The following PIGL variants were observed in gnomAD, a reference collection of about 807,000 sequenced individuals.
PIGL encodes N-acetylglucosaminyl-phosphatidylinositol de-N-acetylase.
A neutral mutation model predicts 31.1 loss-of-function variants in PIGL; 22 were observed. The ratio of observed to expected loss-of-function variants is 0.71; its 90% confidence interval spans 0.51 to 1.01. The LOEUF (loss-of-function observed/expected upper bound fraction) is 1.01, where lower values mean the gene tolerates loss of function less well. Ranked by LOEUF, PIGL falls within the 50% of genes least tolerant of loss-of-function variation. The pLI, the probability that PIGL is intolerant of heterozygous loss-of-function variation, is 0.00. For missense variants in PIGL, 302 were observed against 315.9 expected (o/e 0.96, Z 0.33); for synonymous variants, 131 against 117.4 (o/e 1.12, Z -0.75).
chr17:16,245,705 TATATATATACACAC>T (rs2092742380), intron 2 of PIGL, among the ~76,000 whole-genome samples: 1 of 150,952 alleles, frequency 6.6e-6, no homozygotes, highest in South Asian at 2.1e-4. Flanking sequence ...GCCTGGCCTA[TATATATATACACAC>T]ATATATATAT....
intron 2 of PIGL, among the ~76,000 whole-genome samples, chr17:16,254,314 G>A (rs949696569): frequency 1.3e-5 from 2 of 151,670 alleles, no homozygotes; most frequent in African/African-American, 4.8e-5. Context: ...TATTGCCTAG[G>A]CTAGAGTGCA....
chr17:16,277,256 A>T (rs2092899871), intron 2 of PIGL, among the ~76,000 whole-genome samples: 1 of 152,132 alleles, frequency 6.6e-6, no homozygotes, highest in African/African-American at 2.4e-5. Flanking sequence ...GTGAAAAAAA[A>T]GTTTCTCCAA....
chr17:16,323,609 C>CTTTTT (rs34518917), intron 6 of PIGL, among the ~76,000 whole-genome samples: 6 of 96,822 alleles, frequency 6.2e-5, no homozygotes, highest in African/African-American at 8.2e-5. Flanking sequence ...TAACACTGAT[C>CTTTTT]TTTTTTTTTT....
chr17:16,316,645 C>CT (rs759515206), intron 4 of PIGL, 36 bp from the exon 5 acceptor site: 2 of 1,562,040 alleles, frequency 1.3e-6, no homozygotes, highest in Admixed American at 3.4e-5. Flanking sequence ...GGAAATGATC[C>CT]TTACTCCTCT....
chr17:16,220,582 A>G (rs178794), intron 1 of PIGL, among the ~76,000 whole-genome samples: 61,567 of 143,302 alleles, frequency 0.43, 14,621 homozygotes, highest in Middle Eastern at 0.6. Flanking sequence ...TCTGCCTCCC[A>G]GGTTCAAGCG....
rs987768064 is a variant in PIGL, at chr17:16,309,344, G to A, written c.427-4203G>A. On this transcript the variant is annotated intron_variant, in intron 3 of 6. Transcript: ENST00000225609. ...CTTCTAGGGACCTAAAGAGCAAAGCGATAAAGCGAGCATAAAAGCAGTTTG... is the reference window on the plus strand; with the variant it reads ...CTTCTAGGGACCTAAAGAGCAAAGCAATAAAGCGAGCATAAAAGCAGTTTG... Among the ~76,000 whole-genome samples the A allele has an allele frequency of 3.9e-5, 6 of 152,214 alleles. No homozygotes were observed. In the East Asian group the frequency reaches 9.6e-4, roughly 24 times the overall value.
chr17:16,217,445 G>T lies in PIGL; in HGVS notation c.219G>T (p.Leu73=). The change falls in exon 1 of 7, where the codon CTG becomes CTT. Residue 73 remains leucine (L), a synonymous_variant. Transcript: ENST00000225609. ...CCCGCCTAAGGCACTGGGTGTACCT[G>T]CTTTGCTTCTCTGCAGGTAGGAGGC... ...GLARLRHWVY[L]LCFSAGNYYN... is the part of the protein sequence containing the mutation. The T allele has an allele frequency of 6.2e-7, 1 of 1,614,060 alleles. No homozygotes were observed. Among genetic ancestry groups the T allele is most frequent in the Non-Finnish European group, 8.5e-7 (1 of 1,179,892 alleles).
chr17:16,306,654 C>T (rs964459187), intron 3 of PIGL, among the ~76,000 whole-genome samples: 2 of 151,778 alleles, frequency 1.3e-5, no homozygotes, highest in Non-Finnish European at 2.9e-5. Context: ...CTCAGCCTGC[C>T]AAGTAGCTGG....
Position 16,292,414 on chromosome 17 carries a change from C to T in PIGL, c.336-7474C>T, listed in dbSNP as rs74836788. ...TTCTCTTTAAAAAAAAAAAAACACT[C>T]CTTTGATGCTGTATGCCTTGCAAGT... On this transcript the variant is annotated intron_variant, in intron 2 of 6. Transcript: ENST00000225609. 6.4e-3 allele frequency among the ~76,000 whole-genome samples: 976 copies of T among 151,940 alleles called. 15 individuals carry two copies. Among genetic ancestry groups the T allele is most frequent in the African/African-American group, 0.023 (943 of 41,432 alleles).
chr17:16,325,157 A>C (rs2093121769), intron 6 of PIGL, among the ~76,000 whole-genome samples: 3 of 152,026 alleles, frequency 2.0e-5, no homozygotes, highest in Admixed American at 2.0e-4. Flanking sequence ...TATCCTGGCT[A>C]ACACAGTGAA....
chr17:16,246,670 G>C (rs543521068), intron 2 of PIGL, among the ~76,000 whole-genome samples: 1 of 106,588 alleles, frequency 9.4e-6, no homozygotes, highest in East Asian at 2.1e-4. Context: ...CCAGATCAAG[G>C]TCTTTTTTTT....
At chr17:16,266,916 G>A (rs1343039217) in intron 2 of PIGL, among the ~76,000 whole-genome samples, 1 of 148,952 alleles carries the variant, frequency 6.7e-6, no homozygotes, top group Middle Eastern at 3.4e-3. Context: ...TGGGGGGGGG[G>A]GGGTTGTCGT....
intron 2 of PIGL, among the ~76,000 whole-genome samples, chr17:16,268,904 A>G (rs998424613): frequency 3.3e-5 from 5 of 152,124 alleles, no homozygotes; most frequent in Non-Finnish European, 7.3e-5. Flanking sequence ...CTGGGACTAC[A>G]GGCGCGTGCC....
intron 1 of PIGL, 178 bp downstream of exon 1, chr17:16,217,639 TTGGGGGA>T: frequency 6.5e-5 from 35 of 541,258 alleles, no homozygotes; most frequent in South Asian, 2.2e-4. Flanking sequence ...ACCTGGTGGG[TTGGGGGA>T]CGTCGGCAGC....
intron 2 of PIGL, among the ~76,000 whole-genome samples, chr17:16,235,752 CTTT>C (rs35285920): frequency 1.8e-5 from 2 of 111,520 alleles, no homozygotes; most frequent in Non-Finnish European, 3.6e-5. Flanking sequence ...TGTGTCCGGT[CTTT>C]TTTTTTTTTT....
intron 2 of PIGL, among the ~76,000 whole-genome samples, chr17:16,258,125 AAGAGAGAGAGAGAAAGAG>A (rs2092804044): frequency 1.6e-3 from 143 of 90,012 alleles, no homozygotes; most frequent in Middle Eastern, 8.1e-3. Context: ...GAGAGAGAGA[AAGAGAGAGAGAGAAAGAG>A]AGAGAGAGAG....
chr17:16,311,467 C>CTTTTTTTTTTTTTTTTTTTTTTTTTTT lies in PIGL; in HGVS notation c.427-2066_427-2065insTTTTTTTTTTTTTTTTTTTTTTTTTTT, dbSNP rs778072602. Among the ~76,000 whole-genome samples the CTTTTTTTTTTTTTTTTTTTTTTTTTTT allele has an allele frequency of 2.3e-3, 44 of 18,974 alleles. 19 individuals are homozygous for CTTTTTTTTTTTTTTTTTTTTTTTTTTT. Among genetic ancestry groups the CTTTTTTTTTTTTTTTTTTTTTTTTTTT allele is most frequent in the East Asian group, 4.8e-3 (2 of 420 alleles). The allele number at this position is 18,974 out of a possible 152,430, so 12.4% of individuals were successfully genotyped here. A position where few individuals can be genotyped will look rare whatever the true frequency, so the allele number is the denominator to read the frequency against. On this transcript the variant is annotated intron_variant, in intron 3 of 6. Transcript: ENST00000225609. Reference sequence around the variant, plus strand: ...AGCCCAAAGCACAGAGGTTTTCTTTCTTTTTTTTTTTTTTGATCATTCTTG... The same window carrying CTTTTTTTTTTTTTTTTTTTTTTTTTTT: ...AGCCCAAAGCACAGAGGTTTTCTTTCTTTTTTTTTTTTTTTTTTTTTTTTTTTTTTTTTTTTTTTTTGATCATTCTTG...
Position 16,238,850 on chromosome 17 carries a change from A to C in PIGL, c.335+4780A>C, listed in dbSNP as rs530232932. Among the ~76,000 whole-genome samples, 7 of 144,118 alleles carry C rather than the reference A, an allele frequency of 4.9e-5. No homozygotes were observed. The East Asian group carries it at 1.4e-3, about 28-fold the overall frequency. 94.5% of individuals were successfully genotyped at this position (144,118 alleles called of 152,430 possible). ...CTTGAACACAGGAGGTGAAGGTTGCAGTGAGCTGAGATCACGCCGCTGCAC... is the reference window on the plus strand; with the variant it reads ...CTTGAACACAGGAGGTGAAGGTTGCCGTGAGCTGAGATCACGCCGCTGCAC... On this transcript the variant is annotated intron_variant, in intron 2 of 6. Coordinates refer to ENST00000225609, the MANE Select transcript of PIGL (RefSeq NM_004278.4).
intron 2 of PIGL, among the ~76,000 whole-genome samples, chr17:16,237,646 CAA>C (rs775974304): frequency 8.6e-5 from 13 of 150,462 alleles, no homozygotes; most frequent in Non-Finnish European, 1.8e-4. Flanking sequence ...ACTAAAAATA[CAA>C]AAATTAGCTG....
Sources: allele counts gnomAD v4.1 joint callset (sites outside exome capture counted in the v4.1 genomes callset), GRCh38; gene constraint gnomAD v4.1.1; transcripts MANE v1.5; gene names NCBI Gene and HGNC (gene_info 2026-07-23, HGNC 2026-07-21).